LDHD: variants seen among roughly 807,000 people sequenced by gnomAD.
LDHD encodes the protein lactate dehydrogenase D.
In LDHD, 58 loss-of-function variants were observed where a neutral mutation model predicts 52.9. The ratio of observed to expected loss-of-function variants is 1.10; its 90% CI spans 0.89 to 1.36. LDHD has a LOEUF of 1.36. Ranked by LOEUF, LDHD falls within the 40% of genes most tolerant of loss-of-function variation. LDHD has a pLI of 0.00. For synonymous variants in LDHD, 350 were observed against 288.6 expected (o/e 1.21, Z -2.16); for missense variants, 747 against 668.0 (o/e 1.12, Z -1.30).
Position 75,114,119 on chromosome 16 carries a change from C to T in LDHD, c.676G>A (p.Glu226Lys), listed in dbSNP as rs757955968. The T allele has an allele frequency of 1.7e-5, 27 of 1,612,670 alleles. No individual in the cohort carries two copies. Among genetic ancestry groups the T allele is most frequent in the Non-Finnish European group, 2.3e-5 (27 of 1,180,000 alleles). ...YNLTGLFVGS[E>K]GTLGLITATT... ...GCTGTGATGAGGCCCAGCGTCCCCT[C>T]GGAGCCCACGAAGAGCCCCGTGAGG... Residue 226 changes from glutamate to lysine, a missense_variant, in exon 6 of 11, where the codon GAG (glutamate) becomes AAG (lysine). Coordinates refer to ENST00000450168, the MANE Select transcript of LDHD (RefSeq NM_194436.3).
chr16:75,113,697 C>A (rs369511199), intron 7 of LDHD, 35 bp from the exon 8 acceptor site: 2 of 1,612,806 alleles, frequency 1.2e-6, no homozygotes, highest in African/African-American at 2.7e-5. Flanking sequence ...CACCGGGCCG[C>A]CACTGAGGCA....
chr16:75,112,331 T>C lies in LDHD; in HGVS notation c.*25A>G. 1.3e-6 allele frequency: 2 copies of C among 1,583,026 alleles called. No individual in the cohort carries two copies. The highest frequency in any genetic ancestry group is 2.2e-5 in the South Asian group (2 of 89,080). On this transcript the variant is annotated 3_prime_UTR_variant, in exon 11 of 11. Coordinates refer to ENST00000450168, the MANE Select transcript of LDHD (RefSeq NM_194436.3). ...GAACCGGCTCCGTAGTCAGGGAACT[T>C]GTGGGCTAAGTGCTCAGACCCCCTT...
Position 75,112,056 on chromosome 16 carries a change from C to G in LDHD, c.*300G>C, listed in dbSNP as rs759459947. ...GGTGTCATCAGAGTCTTGAATGGAC[C>G]CAGACGCTCTCTTCCCGCCAGGACA... On this transcript the variant is annotated 3_prime_UTR_variant, in exon 11 of 11. Transcript: ENST00000450168. The G allele has an allele frequency of 1.7e-5, 6 of 362,114 alleles. No individual in the cohort carries two copies. The highest frequency in any genetic ancestry group is 3.0e-5 in the Non-Finnish European group (6 of 199,916). The allele number at this position is 362,114 out of a possible 1,614,324, so 22.4% of individuals were successfully genotyped here.
intron 6 of LDHD, 46 bp downstream of exon 6, chr16:75,113,920 G>T (rs750830581): frequency 5.0e-6 from 8 of 1,610,154 alleles, no homozygotes; most frequent in South Asian, 1.1e-5. Context: ...TTCCCAGGGG[G>T]CCTCTTCCAG....
intron 3 of LDHD, 27 bp downstream of exon 3, chr16:75,115,171 G>A: frequency 2.5e-6 from 4 of 1,602,066 alleles, no homozygotes; most frequent in South Asian, 1.1e-5. Flanking sequence ...GACCATCCTC[G>A]GGCCGGGCGA....
Position 75,112,267 on chromosome 16 carries a change from T to C in LDHD, c.*89A>G. On this transcript the variant is annotated 3_prime_UTR_variant, in exon 11 of 11. Coordinates refer to ENST00000450168, the MANE Select transcript of LDHD (RefSeq NM_194436.3). ...CTGGCAGGAAGACTGCCTCAGCATC[T>C]ATTTCCTTGCAGGGGCCGTGGCATG... 1.4e-6 allele frequency: 2 copies of C among 1,449,702 alleles called. No homozygotes were observed. Among genetic ancestry groups the C allele is most frequent in the South Asian group, 1.3e-5 (1 of 76,126 alleles). 89.8% of individuals were successfully genotyped at this position (1,449,702 alleles called of 1,614,324 possible).
Position 75,116,628 on chromosome 16 carries a change from A to T in LDHD, c.72+21T>A, listed in dbSNP as rs56134518. 2.0e-3 allele frequency: 3,247 copies of T among 1,594,804 alleles called. 39 individuals carry two copies. In the African/African-American group the frequency reaches 0.034, roughly 17 times the overall value. On this transcript the variant is annotated intron_variant, in intron 1 of 10. Coordinates refer to ENST00000450168, the MANE Select transcript of LDHD (RefSeq NM_194436.3). ...GCTCCCCACCTCATCCCTCCAGAGG[A>T]CTTCTCTTCTCTCCCGGTACCTTTG...
Position 75,115,393 on chromosome 16 carries a change from GTGT to G in LDHD, c.186-57_186-55del. 7 of 1,608,092 alleles carry G rather than the reference GTGT, an allele frequency of 4.4e-6. No homozygotes were observed. In the South Asian group the frequency reaches 7.7e-5, roughly 18 times the overall value. On this transcript the variant is annotated intron_variant, in intron 2 of 10. Coordinates refer to ENST00000450168, the MANE Select transcript of LDHD (RefSeq NM_194436.3). ...GGGCGTGACACCCTCTGGTCCCGAG[GTGT>G]TGCAGGGCCTGAGGCTACAGCAAGC...
At position 75,113,657 on chromosome 16, in the gene LDHD, T is replaced by C. The variant is rs780165015; in HGVS notation, c.964A>G (p.Ile322Val). ...LEEQLQRTEE[I>V]VQQNGASDFS... is the part of the protein sequence containing the mutation. ...TCAGAGGCTCCGTTCTGCTGGACTA[T>C]CTCCTCTGCAGTTGGGGAAGGGGGG... is the stretch of plus-strand genomic sequence containing the variant. Residue 322 changes from isoleucine (I) to valine (V), a missense_variant, in exon 8 of 11, where the codon ATA (isoleucine) becomes GTA (valine). Transcript: ENST00000450168. 1.1e-5 allele frequency: 17 copies of C among 1,613,360 alleles called. No individual in the cohort carries two copies. Among genetic ancestry groups the C allele is most frequent in the South Asian group, 4.4e-5 (4 of 91,080 alleles).
In LDHD at chr16:75,112,432, A is replaced by T. The variant is rs148017694; in HGVS notation, c.1379T>A (p.Val460Glu). 3.7e-6 allele frequency: 6 copies of T among 1,613,334 alleles called. No homozygotes were observed. The highest frequency in any genetic ancestry group is 5.1e-6 in the Non-Finnish European group (6 of 1,180,022). The change falls in exon 11 of 11, where the codon GTG becomes GAG. Residue 460 changes from valine to glutamate, a missense_variant. Val to Glu is a moderately radical substitution (Grantham distance 121, BLOSUM62 -2). Coordinates refer to ENST00000450168, the MANE Select transcript of LDHD (RefSeq NM_194436.3). ...GAGCTGCCGCATGGTCTCCACGCCC[A>T]CGGCGCCCACCTCCTCCTGCAGCAG... is the stretch of plus-strand genomic sequence containing the variant. The part of the protein sequence containing the change: ...RQLLQEEVGA[V>E]GVETMRQLKA...
Position 75,112,632 on chromosome 16 carries a change from C to T in LDHD, c.1259G>A (p.Arg420Lys), listed in dbSNP as rs757634821. Residue 420 changes from arginine (R) to lysine (K), a missense_variant, in exon 10 of 11, where the codon AGG becomes AAG. Transcript: ENST00000450168. ...CAGCTGTTCTGCAAAAGCCTTGACC[C>T]TGCCCAGTTCCTCGGCGTCATCAGG... ...VNPDDAEELGRVKAFAEQLGR... is the reference protein window; with the variant it reads ...VNPDDAEELGKVKAFAEQLGR... The T allele has an allele frequency of 1.7e-5, 28 of 1,614,036 alleles. No homozygotes were observed. The Admixed American group carries it at 4.7e-4, about 27-fold the overall frequency.
rs778622858 is a variant in LDHD, at chr16:75,114,698, G to A, written c.470-13C>T. On this transcript the variant is annotated splice_polypyrimidine_tract_variant and intron_variant, in intron 4 of 10. Transcript: ENST00000450168. ...TCCGCGCCTGGGTCTGGAGGGCGGC[G>A]TACAGAAGGCAGCCTCAGGGACCGG... 5.9e-6 allele frequency: 9 copies of A among 1,535,458 alleles called. No individual in the cohort carries two copies. The highest frequency in any genetic ancestry group is 7.9e-6 in the Non-Finnish European group (9 of 1,139,652).
intron 8 of LDHD, 118 bp downstream of exon 8, chr16:75,113,417 C>T (rs1046606196): frequency 8.9e-5 from 115 of 1,284,922 alleles, no homozygotes; most frequent in Non-Finnish European, 1.2e-4. Context: ...GCCTGCTCAG[C>T]CAGGCCCAGC....
chr16:75,114,369 C>A, intron 5 of LDHD, 157 bp downstream of exon 5: 1 of 1,379,262 alleles, frequency 7.3e-7, no homozygotes. Flanking sequence ...TGGTCCCATC[C>A]ACTTTGGCCC....
At position 75,112,859 on chromosome 16, in the gene LDHD, C is replaced by T. The variant is rs578015737; in HGVS notation, c.1152G>A (p.Glu384=). 4.3e-6 allele frequency: 7 copies of T among 1,613,582 alleles called. No homozygotes were observed. In the Admixed American group the frequency reaches 8.3e-5, roughly 19 times the overall value. Reference sequence around the variant, plus strand: ...CTGTGAGTCCTGAGGCATTCAGATCCTCCTTGGTCTGCACCACGATCTCCG... The same window carrying T: ...CTGTGAGTCCTGAGGCATTCAGATCTTCCTTGGTCTGCACCACGATCTCCG... The part of the protein sequence containing the change: ...RLPEIVVQTK[E]DLNASGLTGS... Residue 384 remains glutamate, a synonymous_variant, in exon 9 of 11, where the codon GAG becomes GAA. Coordinates refer to ENST00000450168, the MANE Select transcript of LDHD (RefSeq NM_194436.3).
At position 75,113,791 on chromosome 16, in the gene LDHD, C is replaced by T. The variant is rs758768537; in HGVS notation, c.909G>A (p.Leu303=). 1 of 1,614,072 alleles carries T rather than the reference C, an allele frequency of 6.2e-7. No individual in the cohort carries two copies. Among genetic ancestry groups the T allele is most frequent in the East Asian group, 2.2e-5 (1 of 44,882 alleles). Reference sequence around the variant, plus strand: ...GTGCCTGCTGGGAGCCATGGAACTCCAGGAAGAGTGTGGGCGCCACTAAGC... The same window carrying T: ...GTGCCTGCTGGGAGCCATGGAACTCTAGGAAGAGTGTGGGCGCCACTAAGC... ...LNCLVAPTLF[L]EFHGSQQALE... Residue 303 remains leucine (L), a synonymous_variant, in exon 7 of 11, where the codon CTG becomes CTA. Transcript: ENST00000450168.
chr16:75,114,363 C>T, intron 5 of LDHD, 163 bp downstream of exon 5: 1 of 1,395,942 alleles, frequency 7.2e-7, no homozygotes, highest in Non-Finnish European at 9.6e-7. Flanking sequence ...AAACCCTGGT[C>T]CCATCCACTT....
At position 75,112,418 on chromosome 16, in the gene LDHD, T is replaced by A. The variant is rs975323160; in HGVS notation, c.1393A>T (p.Met465Leu). 36 of 1,613,422 alleles carry A rather than the reference T, an allele frequency of 2.2e-5. No individual in the cohort carries two copies. The highest frequency in any genetic ancestry group is 2.9e-5 in the Non-Finnish European group (34 of 1,180,020). The part of the protein sequence containing the change: ...EEVGAVGVET[M>L]RQLKAVLDPQ... ...TCTAGCACGGCCTTGAGCTGCCGCA[T>A]GGTCTCCACGCCCACGGCGCCCACC... Residue 465 changes from methionine (M) to leucine (L), a missense_variant, in exon 11 of 11, where the codon ATG (methionine) becomes TTG (leucine). By Grantham distance (15) the Met-to-Leu change is conservative. Coordinates refer to ENST00000450168, the MANE Select transcript of LDHD (RefSeq NM_194436.3).
intron 8 of LDHD, 38 bp downstream of exon 8, chr16:75,113,497 G>A (rs375824710): frequency 7.7e-5 from 121 of 1,571,510 alleles, no homozygotes; most frequent in Non-Finnish European, 9.6e-5. Flanking sequence ...TTTGTGGGCC[G>A]AGCTGTGGGC....
Sources: gnomAD v4.1 joint callset for allele counts on GRCh38, gnomAD v4.1.1 for gene constraint, MANE v1.5 for transcripts, NCBI Gene and HGNC (gene_info 2026-07-23, HGNC 2026-07-21) for gene names.